Variants in PPEF1 observed in about 807,000 individuals in gnomAD.
PPEF1 encodes protein phosphatase with EF-hand domain 1.
A neutral mutation model predicts 53.3 loss-of-function variants in PPEF1; 12 were observed. The observed-to-expected ratio is 0.23, with a 90% CI of 0.14 to 0.36. The LOEUF (loss-of-function observed/expected upper bound fraction) is 0.36. PPEF1 is among the 10% of genes least tolerant of loss of function. PPEF1 has a pLI of 1.00. For missense variants in PPEF1, 334 were observed against 490.4 expected (o/e 0.68, Z 3.01); for synonymous variants, 165 against 176.7 (o/e 0.93, Z 0.52).
rs765208120 is a variant in PPEF1, at chrX:18,775,211, CT to C, written c.559-3775del. ...TCTTCTAGTTACCTTTAACCCATTGCTTTTTTTTTTTTTTTTTTTTTTTTGA... is the reference window on the plus strand; with the variant it reads ...TCTTCTAGTTACCTTTAACCCATTGCTTTTTTTTTTTTTTTTTTTTTTTGA... On this transcript the variant is annotated intron_variant, in intron 6 of 15. Coordinates refer to ENST00000470157, the MANE Select transcript of PPEF1 (RefSeq NM_001377996.1). 4.5e-3 allele frequency among the ~76,000 whole-genome samples: 228 copies of C among 50,114 alleles called. 1 individual carries two copies. Among genetic ancestry groups the C allele is most frequent in the African/African-American group, 0.017 (192 of 11,126 alleles). 43.5% of individuals were successfully genotyped at this position (50,114 alleles called of 115,157 possible). A position where few individuals can be genotyped will look rare whatever the true frequency, so the allele number is the denominator to read the frequency against.
intron 6 of PPEF1, among the ~76,000 whole-genome samples, chrX:18,766,088 AAAAG>A (rs1665892104): frequency 9.2e-6 from 1 of 108,794 alleles, no homozygotes; most frequent in African/African-American, 3.4e-5. Flanking sequence ...AAAAAAAGAA[AAAAG>A]AAAAAAGAAA....
intron 10 of PPEF1, among the ~76,000 whole-genome samples, chrX:18,798,648 G>T (rs750988595): frequency 1.8e-5 from 2 of 110,857 alleles, no homozygotes; most frequent in African/African-American, 3.3e-5. Context: ...TTTTGAGATG[G>T]AGTCTTGCTC....
intron 2 of PPEF1, among the ~76,000 whole-genome samples, chrX:18,732,918 T>A (rs1041795361): frequency 1.8e-5 from 2 of 111,793 alleles, no homozygotes; most frequent in Non-Finnish European, 3.8e-5. Flanking sequence ...AGAAAAGAGA[T>A]CATGACCGGG....
upstream of PPEF1, among the ~76,000 whole-genome samples, chrX:18,680,204 T>TTGCTGCTGC (rs757808484): frequency 3.4e-4 from 37 of 109,980 alleles, no homozygotes; most frequent in African/African-American, 9.3e-4. Flanking sequence ...CTCGGGGCCT[T>TTGCTGCTGC]TGCTGCTGCT....
intron 1 of PPEF1, among the ~76,000 whole-genome samples, chrX:18,683,956 G>A (rs1426967572): frequency 8.9e-6 from 1 of 112,195 alleles, no homozygotes; most frequent in Non-Finnish European, 1.9e-5. Context: ...CATTTTTAAT[G>A]CTACTGTTTA....
At chrX:18,818,664 C>T (rs1479561335) in intron 13 of PPEF1, among the ~76,000 whole-genome samples, 2 of 111,848 alleles carry the variant, frequency 1.8e-5, no homozygotes, top group Non-Finnish European at 3.8e-5. Context: ...CCACCCGGCC[C>T]TAAACCTCTA....
At chrX:18,751,883 T>C (rs1270536751) in intron 4 of PPEF1, among the ~76,000 whole-genome samples, 1 of 112,819 alleles carries the variant, frequency 8.9e-6, no homozygotes, top group African/African-American at 3.2e-5. Context: ...AGTACCACAC[T>C]GTCTTGATTG....
At chrX:18,738,353 T>G (rs1330394212) in intron 3 of PPEF1, among the ~76,000 whole-genome samples, 1 of 111,431 alleles carries the variant, frequency 9.0e-6, no homozygotes, top group Non-Finnish European at 1.9e-5. Context: ...TTGCTTGTCT[T>G]TAAAGGATTT....
chrX:18,770,532 TTCTTGAAGAAAA>T (rs2045853878), intron 6 of PPEF1, among the ~76,000 whole-genome samples: 2 of 111,850 alleles, frequency 1.8e-5, no homozygotes, highest in South Asian at 7.5e-4. Context: ...ACATGTGAGA[TTCTTGAAGAAAA>T]TCTTGAAGAT....
chrX:18,745,004 T>A (rs1388722875), intron 3 of PPEF1, among the ~76,000 whole-genome samples: 1 of 101,134 alleles, frequency 9.9e-6, no homozygotes, highest in Non-Finnish European at 2.0e-5. Context: ...AATGTCTATA[T>A]TTTATACATA....
At chrX:18,698,921 G>C (rs1929891151) in intron 5 of PPEF1, among the ~76,000 whole-genome samples, 1 of 112,040 alleles carries the variant, frequency 8.9e-6, no homozygotes, top group Admixed American at 9.5e-5. Flanking sequence ...ATGGCTTTGA[G>C]AGCCAGAAGA....
At chrX:18,799,127 T>C (rs1004287433) in intron 10 of PPEF1, among the ~76,000 whole-genome samples, 1 of 110,152 alleles carries the variant, frequency 9.1e-6, no homozygotes, top group Non-Finnish European at 1.9e-5. Context: ...TCCCTGCTAC[T>C]CGGGAGACTG....
At position 18,806,491 on chromosome X, in the gene PPEF1, G is replaced by A. The variant is rs770812457; in HGVS notation, c.1340G>A (p.Arg447Gln). 1.2e-5 allele frequency: 14 copies of A among 1,209,457 alleles called. No individual in the cohort carries two copies. The highest frequency in any genetic ancestry group is 1.8e-5 in the South Asian group (1 of 56,777). The change falls in exon 12 of 16, where the codon CGA (arginine) becomes CAA (glutamine). Residue 447 changes from arginine (R) to glutamine (Q), a missense_variant. Physicochemically the swap from Arg to Gln is conservative, Grantham distance 43 (BLOSUM62 1). Coordinates refer to ENST00000470157, the MANE Select transcript of PPEF1 (RefSeq NM_001377996.1). ...AAACTATGTTCTGGTACAACTCCTC[G>A]ATTTTTCCAGTACCAAGTAACTAAA... ...YIKLCSGTTPRFFQYQVTKAT... is the reference protein window; with the variant it reads ...YIKLCSGTTPQFFQYQVTKAT...
rs1214682551 is a variant in PPEF1, at chrX:18,788,304, CAAAAAAA to C, written c.913-800_913-794del. ...TGGGGGACAGAGCAAGACTCTGTCT[CAAAAAAA>C]AAAAAAAAAAAAAAAAGGAAACTTA... On this transcript the variant is annotated intron_variant, in intron 9 of 15. Transcript: ENST00000470157. Among the ~76,000 whole-genome samples, 6 of 30,291 alleles carry C rather than the reference CAAAAAAA, an allele frequency of 2.0e-4. No individual in the cohort carries two copies. In the South Asian group the frequency reaches 0.015, roughly 74 times the overall value. 26.3% of individuals were successfully genotyped at this position (30,291 alleles called of 115,157 possible). A position where few individuals can be genotyped will look rare whatever the true frequency, so the allele number is the denominator to read the frequency against.
chrX:18,734,590 C>T lies in PPEF1; in HGVS notation c.235+782C>T, dbSNP rs763260418. Among the ~76,000 whole-genome samples, 24 of 111,087 alleles carry T rather than the reference C, an allele frequency of 2.2e-4. No individual in the cohort carries two copies. The South Asian group carries it at 8.9e-3, about 41-fold the overall frequency. The stretch of plus-strand genomic sequence containing the variant: ...TGTGAATAGTGCCGCAATAAACATA[C>T]GTGTGCATGTCTCTTTATAGCAGCA... On this transcript the variant is annotated intron_variant, in intron 3 of 15. Transcript: ENST00000470157.
At chrX:18,787,158 A>T (rs185634101) in intron 9 of PPEF1, among the ~76,000 whole-genome samples, 10 of 111,973 alleles carry the variant, frequency 8.9e-5, no homozygotes, top group Admixed American at 7.6e-4. Flanking sequence ...ATCAGATGAG[A>T]CATAAAAGTA....
At position 18,815,088 on chromosome X, in the gene PPEF1, T is replaced by C. The variant is rs1414432625; in HGVS notation, c.1395-2951T>C. The stretch of plus-strand genomic sequence containing the variant: ...TGAATAGCCAGTTATCCCCGTGTCA[T>C]TTATTGAATAGGGAGTCCTTTCCCC... On this transcript the variant is annotated intron_variant, in intron 12 of 15. Coordinates refer to ENST00000470157, the MANE Select transcript of PPEF1 (RefSeq NM_001377996.1). 2.7e-5 allele frequency among the ~76,000 whole-genome samples: 3 copies of C among 111,838 alleles called. No individual in the cohort carries two copies. The East Asian group carries it at 8.4e-4, about 31-fold the overall frequency.
intron 3 of PPEF1, among the ~76,000 whole-genome samples, chrX:18,738,624 G>A (rs2045057863): frequency 9.0e-6 from 1 of 111,290 alleles, no homozygotes; most frequent in African/African-American, 3.3e-5. Flanking sequence ...TCTTCTCGAG[G>A]AGTATCTTTG....
chrX:18,760,979 C>T (rs1201534732), intron 5 of PPEF1, among the ~76,000 whole-genome samples: 1 of 109,960 alleles, frequency 9.1e-6, no homozygotes, highest in Non-Finnish European at 1.9e-5. Flanking sequence ...CGGGGTTTCG[C>T]CGTGTTGACC....
Sources: gnomAD v4.1 joint callset for allele counts (sites outside exome capture counted in the v4.1 genomes callset) on GRCh38, gnomAD v4.1.1 for gene constraint, MANE v1.5 for transcripts, NCBI Gene and HGNC (gene_info 2026-07-23, HGNC 2026-07-21) for gene names.